USP45: variants seen among roughly 807,000 people sequenced by gnomAD.
USP45 encodes ubiquitin specific peptidase 45.
In USP45, 89 loss-of-function variants were observed where a neutral mutation model predicts 95.8. The observed-to-expected ratio is 0.93, with a 90% CI of 0.78 to 1.11. The LOEUF (loss-of-function observed/expected upper bound fraction) is 1.11, where lower values mean the gene tolerates loss of function less well. Ranked by LOEUF, USP45 falls within the 50% of genes least tolerant of loss-of-function variation. The pLI, the probability that USP45 is intolerant of heterozygous loss-of-function variation, is 0.00. For missense variants in USP45, 898 were observed against 942.5 expected, an observed-to-expected ratio of 0.95 and a Z score of 0.62; for synonymous variants, 281 against 316.2, an observed-to-expected ratio of 0.89 and a Z score of 1.18.
chr6:99,441,511 G>C (rs991547926), intron 15 of USP45, among the ~76,000 whole-genome samples: 2 of 150,114 alleles, frequency 1.3e-5, no homozygotes, highest in African/African-American at 2.5e-5. Flanking sequence ...CAGCCTGGGC[G>C]ACAAAAGCGA....
chr6:99,496,145 A>T (rs922782129), intron 5 of USP45, among the ~76,000 whole-genome samples: 1 of 152,098 alleles, frequency 6.6e-6, no homozygotes, highest in Non-Finnish European at 1.5e-5. Context: ...ATTACCTCTT[A>T]AAAAAACAGA....
In USP45 at chr6:99,445,839, T is replaced by C; in HGVS notation, c.1933A>G (p.Thr645Ala). 8.8e-6 allele frequency: 14 copies of C among 1,594,930 alleles called. No homozygotes were observed. The highest frequency in any genetic ancestry group is 1.2e-5 in the Non-Finnish European group (14 of 1,174,736). Residue 645 changes from threonine (T) to alanine (A), a missense_variant, in exon 14 of 18, where the codon ACT (threonine) becomes GCT (alanine). Transcript: ENST00000500704. ...GNNKLLCENC[T>A]KNKQKYQEET... ...TCTTGGTACTTCTGTTTGTTTTTAGTACAATTCTCACATAGAAGCTTATTA... is the reference window on the plus strand; with the variant it reads ...TCTTGGTACTTCTGTTTGTTTTTAGCACAATTCTCACATAGAAGCTTATTA...
chr6:99,452,891 G>A (rs1229600046), intron 13 of USP45, among the ~76,000 whole-genome samples: 1 of 152,100 alleles, frequency 6.6e-6, no homozygotes, highest in Non-Finnish European at 1.5e-5. Flanking sequence ...CATGGATGAA[G>A]CTGGAAACCA....
rs533597092 is a variant in USP45 at position 99,507,669 on chromosome 6, A to C, written c.274-138T>G. On this transcript the variant is annotated intron_variant, in intron 3 of 17. Transcript: ENST00000500704. ...CCAGAGGAGAAAGTTTCAAAAAAGT[A>C]ATATGGATTCTCATTAAATTTAATT... The C allele has an allele frequency of 4.3e-5, 26 of 599,582 alleles. 1 individual carries two copies. The South Asian group carries it at 5.4e-4, about 12-fold the overall frequency. 37.1% of individuals were successfully genotyped at this position (599,582 alleles called of 1,614,324 possible).
At chr6:99,438,523 T>TA (rs1780932411) in intron 16 of USP45, among the ~76,000 whole-genome samples, 1 of 152,150 alleles carries the variant, frequency 6.6e-6, no homozygotes, top group South Asian at 2.1e-4. Flanking sequence ...AATTAAATTT[T>TA]AAAAGAAATT....
At chr6:99,482,982 A>C in intron 7 of USP45, 99 bp from the exon 8 acceptor site, 1 of 978,302 alleles carries the variant, frequency 1.0e-6, no homozygotes, top group Non-Finnish European at 1.4e-6. Flanking sequence ...CACCAACTAA[A>C]TTGCCTCAAT....
chr6:99,488,108 T>A, intron 7 of USP45, 92 bp downstream of exon 7: 1 of 785,022 alleles, frequency 1.3e-6, no homozygotes, highest in Admixed American at 2.5e-5. Flanking sequence ...GGCTACTATC[T>A]TAGTTGACTG....
rs1040645840 is a variant in USP45 at position 99,470,243 on chromosome 6, A to G, written c.934-1625T>C. On this transcript the variant is annotated intron_variant, in intron 9 of 17. Coordinates refer to ENST00000500704, the MANE Select transcript of USP45 (RefSeq NM_001346022.3). ...AGAACACAATATTATATGGAGAAGG[A>G]GGTGATCACATTCTTATTCTCGCTC... 2.6e-5 allele frequency among the ~76,000 whole-genome samples: 4 copies of G among 152,200 alleles called. No individual in the cohort carries two copies. In the East Asian group the frequency reaches 5.8e-4, roughly 22 times the overall value.
intron 1 of USP45, among the ~76,000 whole-genome samples, chr6:99,511,843 GTGTA>G (rs1346235799): frequency 5.6e-3 from 28 of 4,984 alleles, no homozygotes; most frequent in East Asian, 0.033. Flanking sequence ...ATGTGAGTGT[GTGTA>G]TATATATATA....
At chr6:99,441,416 C>CAGCTATTCAG (rs1232517594) in intron 15 of USP45, among the ~76,000 whole-genome samples, 1 of 151,882 alleles carries the variant, frequency 6.6e-6, no homozygotes, top group Non-Finnish European at 1.5e-5. Context: ...CCTGTAATCT[C>CAGCTATTCAG]AGCTATTCAG....
intron 9 of USP45, among the ~76,000 whole-genome samples, chr6:99,469,010 T>G (rs1788644848): frequency 6.6e-6 from 1 of 152,142 alleles, no homozygotes; most frequent in Non-Finnish European, 1.5e-5. Context: ...CATATGAAAT[T>G]TATTGTCTAT....
chr6:99,446,594 C>T, intron 13 of USP45, 131 bp from the exon 14 acceptor site: 1 of 844,988 alleles, frequency 1.2e-6, no homozygotes, highest in East Asian at 2.7e-5. Flanking sequence ...CCTACTGAAA[C>T]TAAGATCACT....
At chr6:99,451,400 A>C (rs1411307868) in intron 13 of USP45, among the ~76,000 whole-genome samples, 4 of 152,212 alleles carry the variant, frequency 2.6e-5, no homozygotes, top group Admixed American at 1.3e-4. Flanking sequence ...ATAGACAGAG[A>C]GCCAAATCAT....
intron 5 of USP45, among the ~76,000 whole-genome samples, chr6:99,489,213 C>T (rs1794649100): frequency 1.3e-5 from 2 of 152,154 alleles, no homozygotes; most frequent in South Asian, 4.1e-4. Flanking sequence ...GAACCCATAA[C>T]ATTTTGCCAT....
chr6:99,501,643 T>G (rs1374717009), intron 5 of USP45: 1 of 159,420 alleles, frequency 6.3e-6, no homozygotes, highest in Non-Finnish European at 1.4e-5. Flanking sequence ...TGTTTTACTC[T>G]AATACTACAG....
intron 14 of USP45, among the ~76,000 whole-genome samples, chr6:99,444,189 G>A (rs558769286): frequency 1.3e-5 from 2 of 151,806 alleles, no homozygotes; most frequent in African/African-American, 4.8e-5. Context: ...TTTTTAAAAC[G>A]TTTTTTGTAG....
At chr6:99,465,224 G>A (rs1201482140) in intron 11 of USP45, 88 bp from the exon 12 acceptor site, 1 of 1,117,172 alleles carries the variant, frequency 9.0e-7, no homozygotes, top group Non-Finnish European at 1.2e-6. Context: ...AAACTTCCCG[G>A]GCAACCTAAA....
intron 11 of USP45, among the ~76,000 whole-genome samples, chr6:99,465,710 GA>G (rs1787788840): frequency 6.6e-6 from 1 of 152,074 alleles, no homozygotes; most frequent in Non-Finnish European, 1.5e-5. Flanking sequence ...AGAGAACACA[GA>G]AAAATACTCA....
intron 5 of USP45, among the ~76,000 whole-genome samples, chr6:99,494,141 T>G (rs1384070782): frequency 6.6e-6 from 1 of 151,896 alleles, no homozygotes; most frequent in Non-Finnish European, 1.5e-5. Flanking sequence ...GTTTCCAGGC[T>G]AGGTTATTTT....
Sources: allele counts gnomAD v4.1 joint callset (sites outside exome capture counted in the v4.1 genomes callset), GRCh38; gene constraint gnomAD v4.1.1; transcripts MANE v1.5; gene names NCBI Gene and HGNC (gene_info 2026-07-23, HGNC 2026-07-21).